Variants in NRXN3 observed in about 807,000 individuals in gnomAD.
The protein encoded by NRXN3 is neurexin 3.
NRXN3 carries 32 observed loss-of-function variants against 137.6 expected under a neutral mutation model. That is an observed-to-expected ratio of 0.23 (90% CI 0.18 to 0.31). The LOEUF is 0.31. Ranked by LOEUF, NRXN3 falls within the 10% of genes least tolerant of loss-of-function variation. The pLI is 1.00. For missense variants in NRXN3, 1,574 were observed against 2,062.5 expected, an observed-to-expected ratio of 0.76 and a Z score of 4.59; for synonymous variants, 798 against 784.5, an observed-to-expected ratio of 1.02 and a Z score of -0.29.
At chr14:78,491,327 C>T (rs117403048) in intron 4 of NRXN3, among the ~76,000 whole-genome samples, 4,784 of 152,206 alleles carry the variant, frequency 0.031, 123 homozygotes, top group Non-Finnish European at 0.047. Context: ...CAAGTCCTTC[C>T]TGCCACTACC....
chr14:78,848,132 C>A (rs962057100), intron 10 of NRXN3, among the ~76,000 whole-genome samples: 3 of 152,110 alleles, frequency 2.0e-5, no homozygotes, highest in African/African-American at 7.2e-5. Flanking sequence ...CATGGTGGGG[C>A]AGATGTGGGC....
At chr14:79,291,983 C>T (rs1002007373) in intron 15 of NRXN3, among the ~76,000 whole-genome samples, 1 of 152,094 alleles carries the variant, frequency 6.6e-6, no homozygotes, top group African/African-American at 2.4e-5. Flanking sequence ...GACCATCCTT[C>T]AAGGTAGGCA....
intron 8 of NRXN3, among the ~76,000 whole-genome samples, chr14:78,791,768 A>G (rs2098805732): frequency 6.6e-6 from 1 of 152,166 alleles, no homozygotes; most frequent in South Asian, 2.1e-4. Flanking sequence ...TTCAGGAATA[A>G]GACACAGTCC....
chr14:78,788,701 G>T lies in NRXN3; in HGVS notation c.2045-14919G>T, dbSNP rs371762449. On this transcript the variant is annotated intron_variant, in intron 8 of 20. Coordinates refer to ENST00000335750, the MANE Select transcript of NRXN3 (RefSeq NM_001330195.2). ...CCTGAATACTGCATTACCCCTAGAG[G>T]GCCCACTATCTCTTACCTATACCTT... 9.2e-5 allele frequency among the ~76,000 whole-genome samples: 14 copies of T among 152,158 alleles called. 1 individual carries two copies. The East Asian group carries it at 2.5e-3, about 27-fold the overall frequency.
At chr14:79,769,748 G>A (rs967589007) in intron 19 of NRXN3, among the ~76,000 whole-genome samples, 7 of 151,576 alleles carry the variant, frequency 4.6e-5, no homozygotes, top group Middle Eastern at 3.4e-3. Context: ...ACATCATAAC[G>A]ACAGGATCAC....
chr14:79,774,865 G>A (rs2099091678), intron 19 of NRXN3, among the ~76,000 whole-genome samples: 1 of 152,078 alleles, frequency 6.6e-6, no homozygotes, highest in Non-Finnish European at 1.5e-5. Flanking sequence ...AGCAATTAGT[G>A]AAATTCTGGA....
At chr14:79,127,028 T>A (rs2056626935) in intron 15 of NRXN3, among the ~76,000 whole-genome samples, 1 of 152,170 alleles carries the variant, frequency 6.6e-6, no homozygotes, top group African/African-American at 2.4e-5. Flanking sequence ...GATTGTTTGT[T>A]TTTTTCTTGT....
intron 15 of NRXN3, among the ~76,000 whole-genome samples, chr14:79,274,635 T>A (rs904880951): frequency 1.6e-4 from 24 of 149,860 alleles, no homozygotes; most frequent in African/African-American, 2.5e-4. Context: ...AAAAAAAAAA[T>A]GCTTCTATAT....
chr14:79,092,339 A>C (rs879853391), intron 15 of NRXN3, among the ~76,000 whole-genome samples: 1 of 152,188 alleles, frequency 6.6e-6, no homozygotes, highest in Non-Finnish European at 1.5e-5. Context: ...AAGGTTTCAA[A>C]ATGTAATGAA....
chr14:79,205,643 T>A (rs908339483), intron 15 of NRXN3, among the ~76,000 whole-genome samples: 1 of 152,224 alleles, frequency 6.6e-6, no homozygotes, highest in Non-Finnish European at 1.5e-5. Flanking sequence ...TAATAGAGCA[T>A]AATGGTATGG....
intron 4 of NRXN3, among the ~76,000 whole-genome samples, chr14:78,498,510 T>C (rs1421971360): frequency 1.3e-5 from 2 of 152,118 alleles, no homozygotes; most frequent in Non-Finnish European, 1.5e-5. Context: ...ACAGGGCTAG[T>C]CTTTTTGACT....
chr14:78,967,431 G>A (rs1451860576), intron 13 of NRXN3, 33 bp downstream of exon 13: 1 of 1,520,480 alleles, frequency 6.6e-7, no homozygotes, highest in Non-Finnish European at 9.1e-7. Context: ...GTTTTTAATA[G>A]AGCTTTTCTT....
intron 15 of NRXN3, among the ~76,000 whole-genome samples, chr14:79,334,687 C>T (rs61993068): frequency 4.9e-4 from 75 of 152,144 alleles, no homozygotes; most frequent in African/African-American, 1.3e-3. Context: ...CTGGAGCCAC[C>T]GAGGAGGCTG....
chr14:79,583,589 A>C (rs1009143599), intron 16 of NRXN3, among the ~76,000 whole-genome samples: 2 of 152,166 alleles, frequency 1.3e-5, no homozygotes, highest in Non-Finnish European at 2.9e-5. Context: ...ATGGGAATGA[A>C]TCACTGTTCC....
intron 15 of NRXN3, among the ~76,000 whole-genome samples, chr14:79,173,530 C>CAAAAAAAAAAAAAAAAAAAAAAATAAAAA (rs2062000269): frequency 1.1e-5 from 1 of 91,028 alleles, no homozygotes; most frequent in Non-Finnish European, 2.1e-5. Flanking sequence ...GACCTTGTCT[C>CAAAAAAAAAAAAAAAAAAAAAAATAAAAA]AAAAAAAAAA....
chr14:79,369,477 C>T (rs932529840), intron 15 of NRXN3, among the ~76,000 whole-genome samples: 6 of 152,090 alleles, frequency 3.9e-5, no homozygotes, highest in Non-Finnish European at 8.8e-5. Context: ...TTAGAAAAGT[C>T]GATTGAAACA....
intron 8 of NRXN3, among the ~76,000 whole-genome samples, chr14:78,722,957 A>G (rs1440993835): frequency 6.6e-6 from 1 of 152,170 alleles, no homozygotes; most frequent in African/African-American, 2.4e-5. Context: ...TTCCAGGCAG[A>G]AGGAACAGAT....
chr14:79,090,365 G>T (rs2048931696), intron 15 of NRXN3, among the ~76,000 whole-genome samples: 1 of 152,122 alleles, frequency 6.6e-6, no homozygotes, highest in Non-Finnish European at 1.5e-5. Context: ...TAGAGAAGAA[G>T]ATATTATCCT....
chr14:79,527,596 G>C (rs1255111610), intron 16 of NRXN3, among the ~76,000 whole-genome samples: 1 of 151,954 alleles, frequency 6.6e-6, no homozygotes, highest in East Asian at 1.9e-4. Flanking sequence ...ATAGTGGCCA[G>C]GCATGGTGGC....
Sources: allele counts gnomAD v4.1 joint callset (sites outside exome capture counted in the v4.1 genomes callset), GRCh38; gene constraint gnomAD v4.1.1; transcripts MANE v1.5; gene names NCBI Gene and HGNC (gene_info 2026-07-23, HGNC 2026-07-21).